RASAL2: variants seen among roughly 807,000 people sequenced by gnomAD.
RASAL2 encodes ras GTPase-activating protein nGAP.
Under a neutral mutation model 128.9 loss-of-function variants are expected in RASAL2, and 58 were observed. The observed-to-expected ratio is 0.45, with a 90% CI of 0.36 to 0.56. The LOEUF is 0.56. Ranked by LOEUF, RASAL2 falls within the 20% of genes least tolerant of loss-of-function variation. The pLI, the probability that RASAL2 is intolerant of heterozygous loss-of-function variation, is 0.00. For missense variants in RASAL2, 1,360 were observed against 1,601.6 expected (o/e 0.85, Z 2.57); for synonymous variants, 561 against 580.8 (o/e 0.97, Z 0.49).
At chr1:178,459,920 T>C (rs116301789) in intron 14 of RASAL2, among the ~76,000 whole-genome samples, 324 of 152,352 alleles carry the variant, frequency 2.1e-3, no homozygotes, top group African/African-American at 7.4e-3. Context: ...GTATCATATG[T>C]ATTTTTTATA....
At chr1:178,189,559 G>A (rs771036155) in intron 1 of RASAL2, among the ~76,000 whole-genome samples, 7 of 152,158 alleles carry the variant, frequency 4.6e-5, no homozygotes, top group Non-Finnish European at 8.8e-5. Flanking sequence ...GTATATTGGA[G>A]TGATTATATC....
At chr1:178,229,058 A>G (rs1391876094) in intron 1 of RASAL2, among the ~76,000 whole-genome samples, 1 of 152,208 alleles carries the variant, frequency 6.6e-6, no homozygotes, top group African/African-American at 2.4e-5. Context: ...TAGATTCAAC[A>G]ACTGTGTACA....
intron 4 of RASAL2, among the ~76,000 whole-genome samples, chr1:178,392,295 A>G (rs1482296437): frequency 6.6e-6 from 1 of 152,182 alleles, no homozygotes; most frequent in African/African-American, 2.4e-5. Context: ...TCTGAAAGAA[A>G]ATAATTGACA....
At chr1:178,109,987 CAGCCTG>C (rs1206199289) in intron 1 of RASAL2, among the ~76,000 whole-genome samples, 2 of 152,170 alleles carry the variant, frequency 1.3e-5, no homozygotes, top group East Asian at 3.9e-4. Context: ...TACTACACTT[CAGCCTG>C]AGCTACAGAG....
At chr1:178,335,520 TACTC>T (rs1481570108) in intron 3 of RASAL2, among the ~76,000 whole-genome samples, 2 of 152,116 alleles carry the variant, frequency 1.3e-5, no homozygotes, top group Non-Finnish European at 2.9e-5. Context: ...CTCCTTTCCT[TACTC>T]AATCTATTCC....
chr1:178,107,460 TTTA>T (rs1422117770), intron 1 of RASAL2, among the ~76,000 whole-genome samples: 4 of 152,160 alleles, frequency 2.6e-5, no homozygotes, highest in African/African-American at 9.7e-5. Flanking sequence ...TTGTGTTTTT[TTTA>T]TTATGGTAAA....
At chr1:178,265,105 G>C (rs1047711066) in intron 1 of RASAL2, among the ~76,000 whole-genome samples, 2 of 152,160 alleles carry the variant, frequency 1.3e-5, no homozygotes, top group Non-Finnish European at 2.9e-5. Context: ...TATCACACTT[G>C]CCCCAAATCA....
intron 1 of RASAL2, among the ~76,000 whole-genome samples, chr1:178,174,964 C>T (rs1661833986): frequency 6.6e-6 from 1 of 152,070 alleles, no homozygotes; most frequent in Admixed American, 6.6e-5. Context: ...AGCTTTTAGA[C>T]AAGTTTTACT....
At chr1:178,320,417 T>A (rs963222140) in intron 3 of RASAL2, among the ~76,000 whole-genome samples, 4 of 152,210 alleles carry the variant, frequency 2.6e-5, no homozygotes, top group African/African-American at 9.7e-5. Flanking sequence ...CAGTTTGATC[T>A]CAGACTGCTG....
chr1:178,199,976 C>T (rs1165518728), intron 1 of RASAL2, among the ~76,000 whole-genome samples: 2 of 152,200 alleles, frequency 1.3e-5, no homozygotes, highest in East Asian at 3.9e-4. Context: ...ATGCTGGATG[C>T]TTCCTGCCCT....
At chr1:178,145,299 A>T (rs1165824364) in intron 1 of RASAL2, among the ~76,000 whole-genome samples, 1 of 151,880 alleles carries the variant, frequency 6.6e-6, no homozygotes, top group Non-Finnish European at 1.5e-5. Context: ...AGAAAAGAGG[A>T]TTTTTTTTGT....
At chr1:178,301,073 C>T (rs1023222607) in intron 3 of RASAL2, among the ~76,000 whole-genome samples, 5 of 152,118 alleles carry the variant, frequency 3.3e-5, no homozygotes, top group Non-Finnish European at 7.3e-5. Flanking sequence ...AAGTGGAACC[C>T]AGAGCTTTTG....
chr1:178,128,899 A>G (rs1490188593), intron 1 of RASAL2, among the ~76,000 whole-genome samples: 1 of 152,072 alleles, frequency 6.6e-6, no homozygotes, highest in African/African-American at 2.4e-5. Context: ...TCTATTGTAT[A>G]GATATACCAT....
chr1:178,127,883 AAGAC>A (rs1333019146), intron 1 of RASAL2, among the ~76,000 whole-genome samples: 1 of 152,132 alleles, frequency 6.6e-6, no homozygotes, highest in African/African-American at 2.4e-5. Flanking sequence ...CTGGTAGAAA[AAGAC>A]AGAGCCAGAT....
intron 3 of RASAL2, among the ~76,000 whole-genome samples, chr1:178,338,134 AT>A (rs1294714276): frequency 6.6e-6 from 1 of 150,856 alleles, no homozygotes; most frequent in Non-Finnish European, 1.5e-5. Context: ...TTATTTATTT[AT>A]TTATTTATTT....
In RASAL2 at chr1:178,249,067, T is replaced by C. The variant is rs927393155; in HGVS notation, c.203-34497T>C. On this transcript the variant is annotated intron_variant, in intron 1 of 17. Transcript: ENST00000367649. ...TCTTTGTGGTGTTCTTTGTATTTCC[T>C]GAATTTGAATGTTAGCCTGTCTTCC... Among the ~76,000 whole-genome samples, 8 of 152,294 alleles carry C rather than the reference T, an allele frequency of 5.3e-5. No individual in the cohort carries two copies. In the East Asian group the frequency reaches 1.6e-3, roughly 30 times the overall value.
intron 1 of RASAL2, among the ~76,000 whole-genome samples, chr1:178,247,363 T>A (rs1277822696): frequency 6.6e-6 from 1 of 152,192 alleles, no homozygotes; most frequent in East Asian, 1.9e-4. Context: ...TACAGGTGTT[T>A]ATAGTATTCT....
chr1:178,194,467 T>TA (rs1662593790), intron 1 of RASAL2: 1 of 201,410 alleles, frequency 5.0e-6, no homozygotes, highest in East Asian at 1.2e-4. Flanking sequence ...CCTCTGGAAG[T>TA]ACAGGAGAAG....
intron 1 of RASAL2, among the ~76,000 whole-genome samples, chr1:178,134,877 G>A (rs1660261472): frequency 6.6e-6 from 1 of 152,222 alleles, no homozygotes; most frequent in Admixed American, 6.5e-5. Context: ...AAAGGTCATG[G>A]CAACACTTTT....
Sources: allele counts gnomAD v4.1 joint callset (sites outside exome capture counted in the v4.1 genomes callset), GRCh38; gene constraint gnomAD v4.1.1; transcripts MANE v1.5; gene names NCBI Gene and HGNC (gene_info 2026-07-23, HGNC 2026-07-21).